The following UTRN variants were observed in gnomAD, a reference collection of about 807,000 sequenced individuals.
The protein encoded by UTRN is dystrophin-related protein 1.
Under a neutral mutation model 463.9 loss-of-function variants are expected in UTRN, and 283 were observed. The ratio of observed to expected loss-of-function variants is 0.61; its 90% CI spans 0.55 to 0.67. The LOEUF is 0.67. Ranked by LOEUF, UTRN falls within the 30% of genes least tolerant of loss-of-function variation. The pLI, the probability that UTRN is intolerant of heterozygous loss-of-function variation, is 0.00. For synonymous variants in UTRN, 1,442 were observed against 1,431.5 expected (o/e 1.01, Z -0.17); for missense variants, 3,922 against 4,084.3 (o/e 0.96, Z 1.08).
intron 2 of UTRN, among the ~76,000 whole-genome samples, chr6:144,393,437 A>G (rs1171627106): frequency 6.6e-6 from 1 of 152,240 alleles, no homozygotes; most frequent in East Asian, 1.9e-4. Context: ...TACACTTTGT[A>G]TGTTGAAATC....
chr6:144,722,870 G>A (rs1787358333), intron 53 of UTRN, among the ~76,000 whole-genome samples: 1 of 152,148 alleles, frequency 6.6e-6, no homozygotes, highest in Non-Finnish European at 1.5e-5. Flanking sequence ...CAAGCTGCAG[G>A]ATGACTATAA....
intron 74 of UTRN, 25 bp downstream of exon 74, chr6:144,846,852 T>A (rs755106812): frequency 6.2e-7 from 1 of 1,613,954 alleles, no homozygotes; most frequent in African/African-American, 1.3e-5. Flanking sequence ...CTTGGTTGGC[T>A]CTATGTTACT....
rs377699686 is a variant in UTRN, at chr6:144,574,531, C to CTA, written c.7290-2563_7290-2562dup. Among the ~76,000 whole-genome samples, 628 of 152,180 alleles carry CTA rather than the reference C, an allele frequency of 4.1e-3. 1 individual carries two copies. Among genetic ancestry groups the CTA allele is most frequent in the Non-Finnish European group, 6.9e-3 (466 of 68,010 alleles). On this transcript the variant is annotated intron_variant, in intron 50 of 74. Transcript: ENST00000367545. ...TTTTTGGCCATTACCAATAAGGCTG[C>CTA]TATATACACTGGCATACAGATTTTA...
At chr6:144,421,798 C>A in intron 3 of UTRN, 80 bp from the exon 4 acceptor site, 1 of 992,318 alleles carries the variant, frequency 1.0e-6, no homozygotes, top group Non-Finnish European at 1.4e-6. Flanking sequence ...AAAATGAAGC[C>A]ACTCATTTAT....
In UTRN at chr6:144,388,113, A is replaced by G. The variant is rs12663172; in HGVS notation, c.80-15010A>G. ...ATATGGCTAACAAATAATAGAATATAAGAGTCACTCAGAATCTTCTAACGT... is the reference window on the plus strand; with the variant it reads ...ATATGGCTAACAAATAATAGAATATGAGAGTCACTCAGAATCTTCTAACGT... On this transcript the variant is annotated intron_variant, in intron 2 of 74. Coordinates refer to ENST00000367545, the MANE Select transcript of UTRN (RefSeq NM_007124.3). Among the ~76,000 whole-genome samples, 1,118 of 152,350 alleles carry G rather than the reference A, an allele frequency of 7.3e-3. 55 individuals carry two copies. In the East Asian group the frequency reaches 0.13, roughly 18 times the overall value.
intron 36 of UTRN, 134 bp from the exon 37 acceptor site, chr6:144,514,515 TG>T: frequency 1.1e-6 from 1 of 890,698 alleles, no homozygotes; most frequent in African/African-American, 1.7e-5. Context: ...AGCTCTCACC[TG>T]GTTGATTATG....
At chr6:144,468,556 C>T (rs1394904408) in intron 23 of UTRN, among the ~76,000 whole-genome samples, 4 of 150,498 alleles carry the variant, frequency 2.7e-5, no homozygotes, top group Non-Finnish European at 4.4e-5. Flanking sequence ...TTTTATATTT[C>T]GTTTTGGTTT....
At chr6:144,483,341 A>G (rs1792086759) in intron 27 of UTRN, among the ~76,000 whole-genome samples, 1 of 152,166 alleles carries the variant, frequency 6.6e-6, no homozygotes, top group Non-Finnish European at 1.5e-5. Context: ...TTGTGCTTGC[A>G]TCTGAGCAGA....
At position 144,658,771 on chromosome 6, in the gene UTRN, A is replaced by G. The variant is rs542743074; in HGVS notation, c.7480-19635A>G. Among the ~76,000 whole-genome samples the G allele has an allele frequency of 4.6e-5, 7 of 152,372 alleles. No individual in the cohort carries two copies. In the South Asian group the frequency reaches 1.4e-3, roughly 32 times the overall value. On this transcript the variant is annotated intron_variant, in intron 51 of 74. Coordinates refer to ENST00000367545, the MANE Select transcript of UTRN (RefSeq NM_007124.3). Reference sequence around the variant, plus strand: ...GCAAAATCACATTTGCCTTGGAATGATATCCATAATATCACTACAAAGAAT... The same window carrying G: ...GCAAAATCACATTTGCCTTGGAATGGTATCCATAATATCACTACAAAGAAT...
chr6:144,491,456 C>A (rs987986465), intron 32 of UTRN, among the ~76,000 whole-genome samples: 1 of 151,824 alleles, frequency 6.6e-6, no homozygotes, highest in African/African-American at 2.4e-5. Context: ...GCTAGAAGAA[C>A]CATACTTAGA....
intron 53 of UTRN, among the ~76,000 whole-genome samples, chr6:144,715,711 T>C (rs982803448): frequency 1.5e-5 from 2 of 132,836 alleles, no homozygotes; most frequent in African/African-American, 6.6e-5. Context: ...CACCCTTTTC[T>C]ACTTCTTTCT....
rs757655576 is a variant in UTRN, at chr6:144,557,396, CAT to C, written c.7289+86_7289+87del. 145 of 1,384,228 alleles carry C rather than the reference CAT, an allele frequency of 1.0e-4. 1 individual carries two copies. In the Admixed American group the frequency reaches 1.9e-3, roughly 18 times the overall value. The allele number at this position is 1,384,228 out of a possible 1,614,324, so 85.7% of individuals were successfully genotyped here. Reference sequence around the variant, plus strand: ...GGCTTTCTCGTGGAAACCTGCCAAACATGTGGCTACTACAAGTACATTTTATT... The same window carrying C: ...GGCTTTCTCGTGGAAACCTGCCAAACGTGGCTACTACAAGTACATTTTATT... On this transcript the variant is annotated intron_variant, in intron 50 of 74. Transcript: ENST00000367545.
intron 23 of UTRN, 88 bp from the exon 24 acceptor site, chr6:144,473,632 T>A (rs550673294): frequency 2.7e-5 from 24 of 902,190 alleles, no homozygotes; most frequent in Middle Eastern, 4.4e-4. Context: ...CTTTAAAAAG[T>A]TCCTTTGTTC....
At chr6:144,420,424 C>G (rs1048888897) in intron 3 of UTRN, among the ~76,000 whole-genome samples, 8 of 152,120 alleles carry the variant, frequency 5.3e-5, no homozygotes, top group African/African-American at 1.9e-4. Flanking sequence ...GGACTTAAAG[C>G]CGAGGCTTCC....
rs202219436 is a variant in UTRN, at chr6:144,451,433, C to A, written c.2136C>A (p.Thr712=). The A allele has an allele frequency of 6.2e-7, 1 of 1,612,626 alleles. No homozygotes were observed. Among genetic ancestry groups the A allele is most frequent in the African/African-American group, 1.3e-5 (1 of 74,804 alleles). Residue 712 remains threonine (T), a synonymous_variant, in exon 18 of 75, where the codon ACC becomes ACA. Coordinates refer to ENST00000367545, the MANE Select transcript of UTRN (RefSeq NM_007124.3). The part of the protein sequence containing the change: ...WILKWKTAIQ[T]TEIKEYMKMQ... ...TGAAATGGAAAACTGCCATTCAGACCACAGAGATAAAAGAGTATATGAAGA... is the reference window on the plus strand; with the variant it reads ...TGAAATGGAAAACTGCCATTCAGACAACAGAGATAAAAGAGTATATGAAGA...
intron 65 of UTRN, among the ~76,000 whole-genome samples, chr6:144,815,281 A>G (rs987049263): frequency 1.3e-5 from 2 of 152,260 alleles, no homozygotes; most frequent in Non-Finnish European, 2.9e-5. Context: ...GAACTGTACC[A>G]CAGAGTACCT....
intron 18 of UTRN, among the ~76,000 whole-genome samples, chr6:144,453,272 G>T (rs1164379352): frequency 6.6e-6 from 1 of 151,940 alleles, no homozygotes; most frequent in African/African-American, 2.4e-5. Context: ...ATAGGCACAC[G>T]CCACCACGCT....
chr6:144,369,675 A>G (rs1218220784), intron 2 of UTRN, among the ~76,000 whole-genome samples: 1 of 152,206 alleles, frequency 6.6e-6, no homozygotes, highest in Non-Finnish European at 1.5e-5. Flanking sequence ...ACCCTCTGAT[A>G]TGGTTTGGTT....
intron 33 of UTRN, 21 bp from the exon 34 acceptor site, chr6:144,499,236 C>T (rs907706291): frequency 1.1e-5 from 17 of 1,606,016 alleles, no homozygotes; most frequent in Non-Finnish European, 1.3e-5. Context: ...CTCAGTCTCT[C>T]CCTGCCTCTC....
Sources: gnomAD v4.1 joint callset for allele counts (sites outside exome capture counted in the v4.1 genomes callset) on GRCh38, gnomAD v4.1.1 for gene constraint, MANE v1.5 for transcripts, NCBI Gene and HGNC (gene_info 2026-07-23, HGNC 2026-07-21) for gene names.